The following RYR3 variants were observed in gnomAD, a reference collection of about 807,000 sequenced individuals.
The protein encoded by RYR3 is brain ryanodine receptor-calcium release channel.
RYR3 carries 207 observed loss-of-function variants against 584.3 expected under a neutral mutation model. The ratio of observed to expected loss-of-function variants is 0.35; its 90% CI spans 0.32 to 0.40. The LOEUF (loss-of-function observed/expected upper bound fraction) is 0.40. Ranked by LOEUF, RYR3 falls within the 10% of genes least tolerant of loss-of-function variation. The probability of loss-of-function intolerance (pLI) is 1.00; values close to 1 mark genes in which losing one functional copy is unlikely to be tolerated. For missense variants in RYR3, 5,616 were observed against 6,089.2 expected, an observed-to-expected ratio of 0.92 and a Z score of 2.59; for synonymous variants, 2,416 against 2,248.5, an observed-to-expected ratio of 1.07 and a Z score of -2.11.
intron 60 of RYR3, among the ~76,000 whole-genome samples, chr15:33,764,584 A>G (rs2072837505): frequency 6.6e-6 from 1 of 152,094 alleles, no homozygotes; most frequent in Non-Finnish European, 1.5e-5. Flanking sequence ...AATTAAAAAA[A>G]AAAAAAAATG....
intron 93 of RYR3, among the ~76,000 whole-genome samples, chr15:33,845,956 G>A (rs1019074267): frequency 2.6e-5 from 4 of 152,178 alleles, no homozygotes; most frequent in Admixed American, 6.5e-5. Context: ...ATGTAAAGGC[G>A]CTACATTTGC....
intron 94 of RYR3, among the ~76,000 whole-genome samples, chr15:33,848,786 C>T (rs2078888661): frequency 6.7e-6 from 1 of 149,620 alleles, no homozygotes; most frequent in Non-Finnish European, 1.5e-5. Flanking sequence ...CATAGCCTTC[C>T]ATGGCACAGC....
chr15:33,637,957 C>G (rs1312963926), intron 27 of RYR3, among the ~76,000 whole-genome samples: 1 of 152,266 alleles, frequency 6.6e-6, no homozygotes, highest in East Asian at 1.9e-4. Flanking sequence ...CCCCGCTCCC[C>G]CCATCCCACA....
intron 69 of RYR3, 28 bp downstream of exon 69, chr15:33,801,989 A>T: frequency 7.4e-7 from 1 of 1,342,846 alleles, no homozygotes; most frequent in Non-Finnish European, 1.1e-6. Flanking sequence ...AATTCCAAAA[A>T]CTCTTCAACC....
Position 33,750,867 on chromosome 15 carries a change from C to T in RYR3, c.8399+581C>T, listed in dbSNP as rs139145574. On this transcript the variant is annotated intron_variant, in intron 57 of 103. Coordinates refer to ENST00000634891, the MANE Select transcript of RYR3 (RefSeq NM_001036.6). ...TGGTATTTCTCCTAATGCTATCCCT[C>T]CCCTACCCCCACAACCCCCACAGGC... is the stretch of plus-strand genomic sequence containing the variant. Among the ~76,000 whole-genome samples, 1,481 of 152,266 alleles carry T rather than the reference C, an allele frequency of 9.7e-3. 9 individuals carry two copies. Among genetic ancestry groups the T allele is most frequent in the South Asian group, 0.017 (80 of 4,818 alleles).
chr15:33,819,046 C>G (rs1433657487), intron 76 of RYR3, among the ~76,000 whole-genome samples: 2 of 152,052 alleles, frequency 1.3e-5, no homozygotes, highest in Non-Finnish European at 2.9e-5. Flanking sequence ...TCGCTTGAAC[C>G]CGGGAGGCGG....
At chr15:33,809,086 G>T (rs1265366297) in intron 70 of RYR3, among the ~76,000 whole-genome samples, 2 of 152,106 alleles carry the variant, frequency 1.3e-5, no homozygotes, top group Non-Finnish European at 2.9e-5. Context: ...TCGCCTTTTG[G>T]AAAGCAATTT....
Position 33,503,709 on chromosome 15 carries a change from G to A in RYR3, c.250G>A (p.Ala84Thr). 1 of 1,612,492 alleles carries A rather than the reference G, an allele frequency of 6.2e-7. No individual in the cohort carries two copies. Among genetic ancestry groups the A allele is most frequent in the Non-Finnish European group, 8.5e-7 (1 of 1,179,306 alleles). Residue 84 changes from alanine to threonine, a missense_variant, in exon 3 of 104, where the codon GCC (alanine) becomes ACC (threonine). Coordinates refer to ENST00000634891, the MANE Select transcript of RYR3 (RefSeq NM_001036.6). The stretch of plus-strand genomic sequence containing the variant: ...TGTCAGAGCCCTGCAGGAAATGCTT[G>A]CCAACACAGGTGAAAATGGCGGCGA... ...LSVRALQEML[A>T]NTGENGGEGA...
At chr15:33,605,490 T>C (rs970940222) in intron 18 of RYR3, among the ~76,000 whole-genome samples, 1 of 152,202 alleles carries the variant, frequency 6.6e-6, no homozygotes, top group African/African-American at 2.4e-5. Context: ...CAAAAACTGA[T>C]TGTGGCTCTC....
At chr15:33,339,967 AGAAAG>A (rs1001809702) in intron 1 of RYR3, among the ~76,000 whole-genome samples, 73 of 152,214 alleles carry the variant, frequency 4.8e-4, no homozygotes, top group African/African-American at 1.7e-3. Flanking sequence ...AAAGAGAAGA[AGAAAG>A]GAAGATGACA....
At chr15:33,754,596 T>C (rs1034228520) in intron 57 of RYR3, among the ~76,000 whole-genome samples, 4 of 152,162 alleles carry the variant, frequency 2.6e-5, no homozygotes, top group African/African-American at 9.7e-5. Flanking sequence ...AACACTACAG[T>C]CTGCAAACCC....
rs2079427198 is a variant in RYR3, at chr15:33,854,399, A to G, written c.13810A>G (p.Ile4604Val). The change falls in exon 97 of 104, where the codon ATA becomes GTA. Residue 4604 changes from isoleucine to valine, a missense_variant. Physicochemically the swap from Ile to Val is conservative, Grantham distance 29. Transcript: ENST00000634891. ...AASLVSWLSS[I>V]DMKYHIWKLG... ...CTTGTTCTTCTCTAGGCTAAGTTCCATAGACATGAAGTACCATATCTGGAA... is the reference window on the plus strand; with the variant it reads ...CTTGTTCTTCTCTAGGCTAAGTTCCGTAGACATGAAGTACCATATCTGGAA... 1.3e-6 allele frequency: 2 copies of G among 1,574,260 alleles called. No individual in the cohort carries two copies. Among genetic ancestry groups the G allele is most frequent in the Non-Finnish European group, 1.7e-6 (2 of 1,157,912 alleles).
Position 33,633,085 on chromosome 15 carries a change from G to A in RYR3, c.3004G>A (p.Gly1002Arg). ...NVWAKDRIKQGWTYGIQQDLK... is the reference protein window; with the variant it reads ...NVWAKDRIKQRWTYGIQQDLK... ...TTGGGCAAAAGACAGAATAAAACAA[G>A]GATGGACCTATGGCATCCAACAGGT... The change falls in exon 24 of 104, where the codon GGA (glycine) becomes AGA (arginine). Residue 1002 changes from glycine (G) to arginine (R), a missense_variant. This residue lies in a region of RYR3 where 1,284 missense variants were observed against 1,344.6 expected (regional missense o/e 0.95). Coordinates refer to ENST00000634891, the MANE Select transcript of RYR3 (RefSeq NM_001036.6). 6.2e-7 allele frequency: 1 copy of A among 1,613,946 alleles called. No homozygotes were observed. The highest frequency in any genetic ancestry group is 8.5e-7 in the Non-Finnish European group (1 of 1,179,850).
intron 2 of RYR3, among the ~76,000 whole-genome samples, chr15:33,481,893 T>G (rs1014692418): frequency 6.6e-6 from 1 of 151,154 alleles, no homozygotes; most frequent in East Asian, 1.9e-4. Flanking sequence ...TTTTGTGCTA[T>G]TATTGTCAGA....
intron 74 of RYR3, chr15:33,815,883 G>C (rs2076788832): frequency 2.5e-6 from 1 of 398,424 alleles, no homozygotes; most frequent in African/African-American, 2.1e-5. Flanking sequence ...AGTTTGGCTG[G>C]AAAAGGTTAA....
At chr15:33,427,793 T>C (rs2044768455) in intron 1 of RYR3, among the ~76,000 whole-genome samples, 1 of 152,206 alleles carries the variant, frequency 6.6e-6, no homozygotes, top group Admixed American at 6.5e-5. Context: ...CTGGAGTCTA[T>C]TAGTCAGACA....
At chr15:33,809,697 G>A (rs113871715) in intron 70 of RYR3, among the ~76,000 whole-genome samples, 2 of 150,698 alleles carry the variant, frequency 1.3e-5, no homozygotes, top group African/African-American at 2.4e-5. Context: ...GTGCCATGGC[G>A]TGATCTCGGC....
At position 33,635,628 on chromosome 15, in the gene RYR3, GAGA is replaced by G; in HGVS notation, c.3193_3195del (p.Lys1065del). 1 of 1,613,726 alleles carries G rather than the reference GAGA, an allele frequency of 6.2e-7. No homozygotes were observed. The highest frequency in any genetic ancestry group is 8.5e-7 in the Non-Finnish European group (1 of 1,179,782). ...TCTCACAATAGCTGACTCGGCTGTG[GAGA>G]AGGTCAGCATAGACAAGATCCGATT... On this transcript the variant is annotated inframe_deletion, in exon 26 of 104. Transcript: ENST00000634891.
intron 72 of RYR3, among the ~76,000 whole-genome samples, 156 bp downstream of exon 72, chr15:33,811,193 T>A (rs1024150252): frequency 5.9e-5 from 9 of 152,230 alleles, no homozygotes; most frequent in East Asian, 1.9e-4. Flanking sequence ...CTCTCTTTTT[T>A]AAATTTTTTT....
Sources: gnomAD v4.1 joint callset for allele counts (sites outside exome capture counted in the v4.1 genomes callset) on GRCh38, gnomAD v4.1.1 for gene constraint, gnomAD v4.1.1 regional missense constraint, MANE v1.5 for transcripts, NCBI Gene and HGNC (gene_info 2026-07-23, HGNC 2026-07-21) for gene names.